The following LRMDA variants were observed in gnomAD, a reference collection of about 807,000 sequenced individuals.
LRMDA encodes leucine rich melanocyte differentiation associated.
LRMDA carries 18 observed loss-of-function variants against 29.8 expected under a neutral mutation model. The observed-to-expected ratio is 0.60, with a 90% confidence interval of 0.42 to 0.90. The LOEUF (loss-of-function observed/expected upper bound fraction) is 0.90. LRMDA is among the 40% of genes least tolerant of loss of function. The pLI, the probability that LRMDA is intolerant of heterozygous loss-of-function variation, is 0.00. For synonymous variants in LRMDA, 125 were observed against 109.4 expected (o/e 1.14, Z -0.89); for missense variants, 273 against 273.9 (o/e 1.00, Z 0.02).
At chr10:75,761,674 T>G (rs576834822) in intron 2 of LRMDA, among the ~76,000 whole-genome samples, 2 of 152,326 alleles carry the variant, frequency 1.3e-5, no homozygotes, top group East Asian at 3.9e-4. Flanking sequence ...GTAAAAATAC[T>G]TATAATGGTA....
intron 5 of LRMDA, among the ~76,000 whole-genome samples, chr10:76,295,829 T>C (rs141984752): frequency 6.6e-6 from 1 of 152,286 alleles, no homozygotes; most frequent in East Asian, 1.9e-4. Context: ...TTTCCAAGGC[T>C]CAGCTCAATT....
intron 5 of LRMDA, among the ~76,000 whole-genome samples, chr10:76,143,180 G>A (rs1361916648): frequency 6.6e-6 from 1 of 152,188 alleles, no homozygotes; most frequent in Admixed American, 6.5e-5. Context: ...ATAGCAGCAT[G>A]ATTTATTATC....
intron 5 of LRMDA, among the ~76,000 whole-genome samples, chr10:76,075,337 T>C (rs12252552): frequency 0.38 from 57,183 of 152,094 alleles, 11,998 homozygotes; most frequent in Non-Finnish European, 0.46. Context: ...GGGGTGCCCA[T>C]GCACAGAGAG....
At chr10:75,722,376 T>C (rs1842579153) in intron 2 of LRMDA, among the ~76,000 whole-genome samples, 1 of 152,146 alleles carries the variant, frequency 6.6e-6, no homozygotes, top group Non-Finnish European at 1.5e-5. Flanking sequence ...AAAAAGTAAG[T>C]AGGACAGATT....
At chr10:75,736,671 G>T (rs2132204883) in intron 2 of LRMDA, among the ~76,000 whole-genome samples, 1 of 152,310 alleles carries the variant, frequency 6.6e-6, no homozygotes, top group Non-Finnish European at 1.5e-5. Flanking sequence ...TTTAAGCTAT[G>T]CCAGCAGCAG....
rs562698511 is a variant in LRMDA, at chr10:76,482,136, C to T, written c.602-75073C>T. Reference sequence around the variant, plus strand: ...TATCCAGTTTGGGCAATTGAAGTAACTTAGATAAATCCTCAGCTCTTCTCT... The same window carrying T: ...TATCCAGTTTGGGCAATTGAAGTAATTTAGATAAATCCTCAGCTCTTCTCT... On this transcript the variant is annotated intron_variant, in intron 6 of 6. Coordinates refer to ENST00000611255, the MANE Select transcript of LRMDA (RefSeq NM_001305581.2). Among the ~76,000 whole-genome samples, 8 of 151,968 alleles carry T rather than the reference C, an allele frequency of 5.3e-5. No individual in the cohort carries two copies. The East Asian group carries it at 9.7e-4, about 18-fold the overall frequency.
chr10:75,643,098 A>C (rs1841474613), intron 2 of LRMDA: 1 of 150,150 alleles, frequency 6.7e-6, no homozygotes, highest in African/African-American at 2.5e-5. Flanking sequence ...TTAAAACATT[A>C]AAAAAAAATT....
rs545444893 is a variant in LRMDA at position 75,593,812 on chromosome 10, G to T, written c.131+155318G>T. Among the ~76,000 whole-genome samples, 66 of 151,740 alleles carry T rather than the reference G, an allele frequency of 4.3e-4. 1 individual carries two copies. Among genetic ancestry groups the T allele is most frequent in the South Asian group, 1.5e-3 (7 of 4,804 alleles). ...CTCTCCCGCCTTGCCCCTTGGGGGC[G>T]CCAGACAAGCCATGCCTGGACTCTC... On this transcript the variant is annotated intron_variant, in intron 2 of 6. Coordinates refer to ENST00000611255, the MANE Select transcript of LRMDA (RefSeq NM_001305581.2).
chr10:75,547,863 G>C (rs950834155), intron 2 of LRMDA, among the ~76,000 whole-genome samples: 3 of 152,078 alleles, frequency 2.0e-5, no homozygotes, highest in Non-Finnish European at 4.4e-5. Context: ...ACCTCGAGTG[G>C]GTCCTCCTTT....
chr10:76,159,143 T>G (rs1483152561), intron 5 of LRMDA, among the ~76,000 whole-genome samples: 1 of 152,194 alleles, frequency 6.6e-6, no homozygotes. Context: ...TGGAAAAATA[T>G]ACCTTAAAGT....
At chr10:76,223,756 C>G (rs1181176929) in intron 5 of LRMDA, among the ~76,000 whole-genome samples, 1 of 152,178 alleles carries the variant, frequency 6.6e-6, no homozygotes, top group Non-Finnish European at 1.5e-5. Flanking sequence ...GAGAAAATTC[C>G]TATTGTTTCA....
At chr10:76,011,620 A>C (rs903650837) in intron 2 of LRMDA, among the ~76,000 whole-genome samples, 1 of 152,168 alleles carries the variant, frequency 6.6e-6, no homozygotes, top group Non-Finnish European at 1.5e-5. Flanking sequence ...GTGCTCATGA[A>C]AGTAGCCATC....
intron 5 of LRMDA, among the ~76,000 whole-genome samples, chr10:76,059,004 G>C (rs1343213325): frequency 1.3e-5 from 2 of 152,188 alleles, no homozygotes; most frequent in Non-Finnish European, 1.5e-5. Flanking sequence ...TAGCCCAATG[G>C]TGAAGTTCTG....
At chr10:76,332,682 GT>G (rs1840919146) in intron 6 of LRMDA, among the ~76,000 whole-genome samples, 1 of 152,152 alleles carries the variant, frequency 6.6e-6, no homozygotes, top group Non-Finnish European at 1.5e-5. Flanking sequence ...ATGTGCTTAT[GT>G]TTTAGAGTCC....
At chr10:75,721,515 C>T (rs1242905023) in intron 2 of LRMDA, among the ~76,000 whole-genome samples, 1 of 152,030 alleles carries the variant, frequency 6.6e-6, no homozygotes, top group African/African-American at 2.4e-5. Flanking sequence ...GTGGTCAAGT[C>T]CCTTGACTTT....
intron 5 of LRMDA, among the ~76,000 whole-genome samples, chr10:76,146,267 A>G (rs1403326504): frequency 6.6e-6 from 1 of 151,988 alleles, no homozygotes; most frequent in East Asian, 1.9e-4. Flanking sequence ...TGTCTCGTTG[A>G]TCTGTCTAAT....
intron 2 of LRMDA, among the ~76,000 whole-genome samples, chr10:75,722,326 A>G (rs994903667): frequency 1.3e-5 from 2 of 152,206 alleles, no homozygotes; most frequent in African/African-American, 4.8e-5. Context: ...TAATGTCCAA[A>G]CATTTTGCAG....
At chr10:76,156,731 C>T (rs1850544334) in intron 5 of LRMDA, among the ~76,000 whole-genome samples, 1 of 152,166 alleles carries the variant, frequency 6.6e-6, no homozygotes. Context: ...ACTTAAGGCT[C>T]ATGATAGCTC....
intron 2 of LRMDA, among the ~76,000 whole-genome samples, chr10:75,682,941 A>G (rs1427035042): frequency 1.3e-5 from 2 of 152,206 alleles, no homozygotes; most frequent in African/African-American, 4.8e-5. Context: ...TATAAAAAAC[A>G]TAAAGCATAT....
Sources: allele counts gnomAD v4.1 joint callset (sites outside exome capture counted in the v4.1 genomes callset), GRCh38; gene constraint gnomAD v4.1.1; transcripts MANE v1.5; gene names NCBI Gene and HGNC (gene_info 2026-07-23, HGNC 2026-07-21).